The following RECK variants were observed in gnomAD, a reference collection of about 807,000 sequenced individuals.
The protein encoded by RECK is reversion-inducing cysteine-rich protein with Kazal motifs.
A neutral mutation model predicts 115.1 loss-of-function variants in RECK; 69 were observed. The observed-to-expected ratio is 0.60, with a 90% confidence interval of 0.49 to 0.73. RECK has a LOEUF of 0.73. Among genes scored for constraint, RECK ranks in the 30% least tolerant of loss-of-function variants. The pLI, the probability that RECK is intolerant of heterozygous loss-of-function variation, is 0.00. For missense variants in RECK, 1,047 were observed against 1,203.7 expected (o/e 0.87, Z 1.93); for synonymous variants, 414 against 419.7 (o/e 0.99, Z 0.17).
At chr9:36,080,721 T>C in intron 7 of RECK, 83 bp downstream of exon 7, 1 of 1,238,284 alleles carries the variant, frequency 8.1e-7, no homozygotes, top group South Asian at 1.3e-5. Flanking sequence ...AGGATTCCGA[T>C]AGGCTCTTTC....
At chr9:36,104,045 C>T (rs1055391554) in intron 12 of RECK, among the ~76,000 whole-genome samples, 1 of 151,858 alleles carries the variant, frequency 6.6e-6, no homozygotes, top group Non-Finnish European at 1.5e-5. Context: ...AAGTGAGACT[C>T]TTCCTTGGCC....
intron 6 of RECK, among the ~76,000 whole-genome samples, chr9:36,074,154 C>G (rs1456634418): frequency 6.6e-6 from 1 of 152,174 alleles, no homozygotes; most frequent in Non-Finnish European, 1.5e-5. Flanking sequence ...CATCTTCTCT[C>G]CACACACATA....
chr9:36,112,208 A>C (rs1299929916), intron 15 of RECK, 97 bp from the exon 16 acceptor site: 1 of 1,031,058 alleles, frequency 9.7e-7, no homozygotes. Flanking sequence ...TTAACGTGAG[A>C]CCTTCACATG....
chr9:36,083,605 A>T (rs780874640), intron 8 of RECK, 43 bp downstream of exon 8: 1 of 1,576,848 alleles, frequency 6.3e-7, no homozygotes, highest in South Asian at 1.1e-5. Flanking sequence ...ATCTTTGGTA[A>T]AATCGTTTGT....
At chr9:36,054,499 T>TA (rs56001338) in intron 2 of RECK, among the ~76,000 whole-genome samples, 58,470 of 127,110 alleles carry the variant, frequency 0.46, 13,651 homozygotes, top group Admixed American at 0.53. Context: ...GCCCTTAGTT[T>TA]AAAAAAAAAA....
At chr9:36,057,757 G>A (rs1268893054) in intron 2 of RECK, among the ~76,000 whole-genome samples, 1 of 152,098 alleles carries the variant, frequency 6.6e-6, no homozygotes, top group Non-Finnish European at 1.5e-5. Context: ...GGAAGTGGAG[G>A]TTACAGTGAG....
intron 6 of RECK, chr9:36,066,725 T>G: frequency 2.7e-6 from 3 of 1,092,922 alleles, no homozygotes; most frequent in Non-Finnish European, 2.4e-6. Context: ...TGATAATTCC[T>G]TCTTTTCTCC....
chr9:36,065,477 GA>G (rs1821956188), intron 5 of RECK, 99 bp from the exon 6 acceptor site: 4 of 774,862 alleles, frequency 5.2e-6, no homozygotes, highest in Non-Finnish European at 7.7e-6. Flanking sequence ...TGAAATAAAG[GA>G]TACTATATCA....
chr9:36,109,658 A>G (rs963473849), intron 14 of RECK, among the ~76,000 whole-genome samples: 1 of 152,192 alleles, frequency 6.6e-6, no homozygotes, highest in Non-Finnish European at 1.5e-5. Context: ...AGCCTGGACA[A>G]CATGGTGAAA....
At chr9:36,067,915 C>T (rs928260764) in intron 6 of RECK, among the ~76,000 whole-genome samples, 1 of 151,926 alleles carries the variant, frequency 6.6e-6, no homozygotes, top group Non-Finnish European at 1.5e-5. Flanking sequence ...GACCTAAAGA[C>T]CTAAGACTGT....
At chr9:36,117,958 T>C (rs1279377573) in intron 17 of RECK, among the ~76,000 whole-genome samples, 1 of 152,092 alleles carries the variant, frequency 6.6e-6, no homozygotes, top group Non-Finnish European at 1.5e-5. Flanking sequence ...CCAGCCTGGG[T>C]GACAGAGCAA....
At chr9:36,117,436 AGAACTT>A (rs1824306576) in intron 17 of RECK, among the ~76,000 whole-genome samples, 1 of 152,178 alleles carries the variant, frequency 6.6e-6, no homozygotes, top group South Asian at 2.1e-4. Context: ...TCCTAGGAAA[AGAACTT>A]AAAAGTTTCA....
chr9:36,052,866 C>T (rs1025472903), intron 2 of RECK, among the ~76,000 whole-genome samples: 9 of 152,098 alleles, frequency 5.9e-5, no homozygotes, highest in African/African-American at 1.9e-4. Context: ...CTATAAAGGA[C>T]ATTATCAGGA....
chr9:36,071,682 T>C (rs1307139555), intron 6 of RECK, among the ~76,000 whole-genome samples: 4 of 152,226 alleles, frequency 2.6e-5, no homozygotes, highest in Admixed American at 6.5e-5. Flanking sequence ...GGTGAGAAAC[T>C]ATGAAGGAAA....
chr9:36,104,882 A>C (rs1823740063), intron 12 of RECK, among the ~76,000 whole-genome samples: 1 of 152,112 alleles, frequency 6.6e-6, no homozygotes, highest in African/African-American at 2.4e-5. Context: ...TATTTTGTTC[A>C]TCACTGTATC....
chr9:36,040,791 G>A (rs926893173), intron 1 of RECK, among the ~76,000 whole-genome samples: 22 of 148,724 alleles, frequency 1.5e-4, no homozygotes, highest in Admixed American at 1.4e-3. Flanking sequence ...GAGGGAAGAA[G>A]GAATTAAGGA....
At chr9:36,093,245 T>G (rs1274391796) in intron 10 of RECK, among the ~76,000 whole-genome samples, 1 of 152,096 alleles carries the variant, frequency 6.6e-6, no homozygotes, top group Non-Finnish European at 1.5e-5. Flanking sequence ...CCAAAGAAGG[T>G]AACAAAATCC....
In RECK at chr9:36,118,929, C is replaced by T. The variant is rs148349008; in HGVS notation, c.2426C>T (p.Ser809Leu). 5.6e-6 allele frequency: 9 copies of T among 1,613,010 alleles called. No individual in the cohort carries two copies. Among genetic ancestry groups the T allele is most frequent in the African/African-American group, 2.7e-5 (2 of 74,896 alleles). Residue 809 changes from serine to leucine, a missense_variant, in exon 18 of 21, where the codon TCG becomes TTG. By Grantham distance (145) the Ser-to-Leu change is moderately radical. Coordinates refer to ENST00000377966, the MANE Select transcript of RECK (RefSeq NM_021111.3). Reference sequence around the variant, plus strand: ...GAGTGTGCTTCTGTCAAGTGTCCTTCGCTCTTGGCAGCTGGATGCAAACCC... The same window carrying T: ...GAGTGTGCTTCTGTCAAGTGTCCTTTGCTCTTGGCAGCTGGATGCAAACCC... ...VAECASVKCP[S>L]LLAAGCKPII...
At chr9:36,112,265 T>C in intron 15 of RECK, 40 bp from the exon 16 acceptor site, 1 of 1,597,620 alleles carries the variant, frequency 6.3e-7, no homozygotes, top group Middle Eastern at 2.2e-4. Flanking sequence ...GGAGGGGGAA[T>C]ATACACATAC....
Sources: gnomAD v4.1 joint callset for allele counts (sites outside exome capture counted in the v4.1 genomes callset) on GRCh38, gnomAD v4.1.1 for gene constraint, MANE v1.5 for transcripts, NCBI Gene and HGNC (gene_info 2026-07-23, HGNC 2026-07-21) for gene names.